The following MIER1 variants were observed in gnomAD, a reference collection of about 807,000 sequenced individuals.
MIER1 encodes the protein mesoderm induction early response protein 1.
In MIER1, 40 loss-of-function variants were observed where a neutral mutation model predicts 75.7. The observed-to-expected ratio is 0.53, with a 90% CI of 0.41 to 0.69. The LOEUF is 0.69. Ranked by LOEUF, MIER1 falls within the 30% of genes least tolerant of loss-of-function variation. The pLI, the probability that MIER1 is intolerant of heterozygous loss-of-function variation, is 0.00. For missense variants in MIER1, 574 were observed against 680.2 expected (o/e 0.84, Z 1.74); for synonymous variants, 213 against 223.4 (o/e 0.95, Z 0.42).
In MIER1 at chr1:66,940,017, C is replaced by T. The variant is rs1282564070; in HGVS notation, c.169-11C>T. ...GAAATACTAATTTTTCCTCTTTTCT[C>T]CCCTTCTCAGCCATCTGTTGAATCT... On this transcript the variant is annotated splice_polypyrimidine_tract_variant and intron_variant, in intron 2 of 13. Transcript: ENST00000401041. The T allele has an allele frequency of 3.7e-6, 6 of 1,601,424 alleles. No individual in the cohort carries two copies. The highest frequency in any genetic ancestry group is 3.3e-5 in the Admixed American group (2 of 59,766).
At chr1:66,952,344 C>T (rs3008870) in intron 4 of MIER1, among the ~76,000 whole-genome samples, 118,549 of 152,110 alleles carry the variant, frequency 0.78, 46,540 homozygotes, top group East Asian at 0.88. Context: ...GGCCCTGGTA[C>T]AATAGTATAC....
At position 66,930,459 on chromosome 1, in the gene MIER1, G is replaced by T. The variant is rs576176695; in HGVS notation, c.168+4217G>T. On this transcript the variant is annotated intron_variant, in intron 2 of 13. Transcript: ENST00000401041. ...GCCGGGCGCCCCCGGCCCTGGGCCG[G>T]GGAGGAGTGGAGTGGGCCTGGCCAG... 3.5e-5 allele frequency: 56 copies of T among 1,581,768 alleles called. No individual in the cohort carries two copies. The East Asian group carries it at 1.2e-3, about 34-fold the overall frequency.
chr1:66,954,594 T>C (rs1312827204), intron 4 of MIER1, among the ~76,000 whole-genome samples: 2 of 152,220 alleles, frequency 1.3e-5, no homozygotes, highest in Admixed American at 1.3e-4. Flanking sequence ...ATTCAAGCAT[T>C]TCCCCTCTAA....
At position 66,954,989 on chromosome 1, in the gene MIER1, G is replaced by A. The variant is rs546290586; in HGVS notation, c.340-3070G>A. On this transcript the variant is annotated intron_variant, in intron 4 of 13. Transcript: ENST00000401041. ...CTCCCAAAGTGCTGGGATTACAGGC[G>A]TGAGCCACTGCGCTTGGCCTGAGAA... Among the ~76,000 whole-genome samples, 10 of 152,274 alleles carry A rather than the reference G, an allele frequency of 6.6e-5. No homozygotes were observed. In the East Asian group the frequency reaches 1.5e-3, roughly 23 times the overall value.
At chr1:66,925,499 C>G in intron 1 of MIER1, 2 of 985,454 alleles carry the variant, frequency 2.0e-6, no homozygotes. Flanking sequence ...TGTGTCCCAT[C>G]CCCGGGAGGC....
At chr1:66,925,943 TTATTG>T (rs1651635297) in intron 1 of MIER1, among the ~76,000 whole-genome samples, 194 bp from the exon 2 acceptor site, 1 of 152,196 alleles carries the variant, frequency 6.6e-6, no homozygotes, top group Admixed American at 6.5e-5. Context: ...GGCGACCTAT[TTATTG>T]GGTCGCTTTT....
At chr1:66,941,931 T>TGCCACC (rs1225912825) in intron 3 of MIER1, among the ~76,000 whole-genome samples, 1 of 145,410 alleles carries the variant, frequency 6.9e-6, no homozygotes, top group East Asian at 2.0e-4. Flanking sequence ...ATCATGCCAC[T>TGCCACC]GCACTCCAGC....
chr1:66,929,954 A>C (rs1652681135), intron 2 of MIER1, among the ~76,000 whole-genome samples: 1 of 152,204 alleles, frequency 6.6e-6, no homozygotes, highest in Admixed American at 6.5e-5. Context: ...CTGCTGTGTC[A>C]ATGCTGGATG....
At chr1:66,982,046 A>G (rs1451542923) in intron 13 of MIER1, 128 bp downstream of exon 13, 4 of 846,666 alleles carry the variant, frequency 4.7e-6, no homozygotes, top group South Asian at 1.7e-5. Flanking sequence ...AACACATGAG[A>G]CAAACATAAC....
rs1137656 is a variant in MIER1 at position 66,985,919 on chromosome 1, A to C, written c.*1019A>C. The C allele has an allele frequency of 0.25, 245,771 of 979,626 alleles. 31,525 individuals carry two copies. Among genetic ancestry groups the C allele is most frequent in the Non-Finnish European group, 0.26 (217,190 of 826,422 alleles). The allele number at this position is 979,626 out of a possible 1,614,324, so 60.7% of individuals were successfully genotyped here. A position where few individuals can be genotyped will look rare whatever the true frequency, so the allele number is the denominator to read the frequency against. On this transcript the variant is annotated 3_prime_UTR_variant, in exon 14 of 14. Coordinates refer to ENST00000401041, the MANE Select transcript of MIER1 (RefSeq NM_001077700.3). ...GATTGCAGTTTGTTTTGCATTTGCTATAATTTTCAAAATTATTTTTGAAGC... is the reference window on the plus strand; with the variant it reads ...GATTGCAGTTTGTTTTGCATTTGCTCTAATTTTCAAAATTATTTTTGAAGC...
chr1:66,950,844 C>A lies in MIER1; in HGVS notation c.339+4549C>A, dbSNP rs1570279650. Among the ~76,000 whole-genome samples, 3 of 142,624 alleles carry A rather than the reference C, an allele frequency of 2.1e-5. No individual in the cohort carries two copies. The South Asian group carries it at 6.8e-4, about 32-fold the overall frequency. The allele number at this position is 142,624 out of a possible 152,430, so 93.6% of individuals were successfully genotyped here. A position where few individuals can be genotyped will look rare whatever the true frequency, so the allele number is the denominator to read the frequency against. On this transcript the variant is annotated intron_variant, in intron 4 of 13. Coordinates refer to ENST00000401041, the MANE Select transcript of MIER1 (RefSeq NM_001077700.3). Reference sequence around the variant, plus strand: ...ATTGGTTACCTTAGGAACCATCTCTCTAGTTCAGTCTGGATGTGGTCCCTT... The same window carrying A: ...ATTGGTTACCTTAGGAACCATCTCTATAGTTCAGTCTGGATGTGGTCCCTT...
chr1:66,972,810 G>A (rs975172248), intron 10 of MIER1, 87 bp from the exon 11 acceptor site: 10 of 677,052 alleles, frequency 1.5e-5, no homozygotes, highest in African/African-American at 3.7e-5. Flanking sequence ...TCATTTTTAC[G>A]AGAAGGTTAA....
In MIER1 at chr1:66,946,286, T is replaced by C; in HGVS notation, c.330T>C (p.Asp110=). Residue 110 remains aspartate (D), a synonymous_variant, in exon 4 of 14, where the codon GAT becomes GAC. Coordinates refer to ENST00000401041, the MANE Select transcript of MIER1 (RefSeq NM_001077700.3). ...CAAACTTCAGCTCTGAAATAGAAGATCTTGCAAGGGTAAATAACATGTAGA... is the reference window on the plus strand; with the variant it reads ...CAAACTTCAGCTCTGAAATAGAAGACCTTGCAAGGGTAAATAACATGTAGA... The part of the protein sequence containing the change: ...GETNFSSEIE[D]LAREGDMPIH... 1.9e-6 allele frequency: 3 copies of C among 1,606,994 alleles called. No individual in the cohort carries two copies. The highest frequency in any genetic ancestry group is 2.5e-6 in the Non-Finnish European group (3 of 1,178,114).
Position 66,943,754 on chromosome 1 carries a change from A to T in MIER1, c.194-2396A>T, listed in dbSNP as rs376124197. On this transcript the variant is annotated intron_variant, in intron 3 of 13. Coordinates refer to ENST00000401041, the MANE Select transcript of MIER1 (RefSeq NM_001077700.3). ...TATTTTCTGGTGCTTCTGAAAGGGC[A>T]CAATGATGTTAAGTGCTTTGCCATG... Among the ~76,000 whole-genome samples the T allele has an allele frequency of 1.6e-4, 24 of 152,306 alleles. No homozygotes were observed. The East Asian group carries it at 4.4e-3, about 28-fold the overall frequency.
intron 1 of MIER1, chr1:66,925,341 G>A (rs948319188): frequency 1.0e-6 from 1 of 985,326 alleles, no homozygotes; most frequent in Non-Finnish European, 1.2e-6. Flanking sequence ...CCGCCTTTTT[G>A]CCTTCGCGGT....
At chr1:66,927,026 C>T (rs980699598) in intron 2 of MIER1, among the ~76,000 whole-genome samples, 1 of 152,024 alleles carries the variant, frequency 6.6e-6, no homozygotes, top group African/African-American at 2.4e-5. Context: ...TTCATTGGTT[C>T]GTTTAAGGTA....
rs1398694545 is a variant in MIER1 at position 66,987,204 on chromosome 1, T to C, written c.*2304T>C. On this transcript the variant is annotated 3_prime_UTR_variant, in exon 14 of 14. Transcript: ENST00000401041. Reference sequence around the variant, plus strand: ...TAATTGTATTTTGTGTTTATACAGGTATTTCACACAATAATTTGTTCTTAA... The same window carrying C: ...TAATTGTATTTTGTGTTTATACAGGCATTTCACACAATAATTTGTTCTTAA... The C allele has an allele frequency of 6.5e-6, 1 of 152,760 alleles. No individual in the cohort carries two copies. The highest frequency in any genetic ancestry group is 2.4e-5 in the African/African-American group (1 of 41,470). The allele number at this position is 152,760 out of a possible 1,614,324, so 9.5% of individuals were successfully genotyped here. A position where few individuals can be genotyped will look rare whatever the true frequency, so the allele number is the denominator to read the frequency against.
intron 12 of MIER1, among the ~76,000 whole-genome samples, chr1:66,978,022 C>T (rs1183710194): frequency 6.6e-6 from 1 of 151,868 alleles, no homozygotes; most frequent in African/African-American, 2.4e-5. Context: ...CATGGTGAAA[C>T]CCCATATCTA....
At chr1:66,932,829 T>G (rs1247495264) in intron 2 of MIER1, 6 of 152,074 alleles carry the variant, frequency 3.9e-5, no homozygotes, top group Non-Finnish European at 8.8e-5. Flanking sequence ...AATGTAGGTA[T>G]TATGCTTCTG....
Sources: allele counts gnomAD v4.1 joint callset (sites outside exome capture counted in the v4.1 genomes callset), GRCh38; gene constraint gnomAD v4.1.1; transcripts MANE v1.5; gene names NCBI Gene and HGNC (gene_info 2026-07-23, HGNC 2026-07-21).